Variants in TBXAS1 observed in about 807,000 individuals in gnomAD.
The protein encoded by TBXAS1 is thromboxane-A synthase.
Under a neutral mutation model 60.7 loss-of-function variants are expected in TBXAS1, and 48 were observed. That is an observed-to-expected ratio of 0.79 (90% CI 0.63 to 1.01). TBXAS1 has a LOEUF of 1.01. TBXAS1 is among the 50% of genes least tolerant of loss of function. TBXAS1 has a pLI of 0.00. For missense variants in TBXAS1, 685 were observed against 686.3 expected (o/e 1.00, Z 0.02); for synonymous variants, 287 against 269.7 (o/e 1.06, Z -0.63).
intron 9 of TBXAS1, among the ~76,000 whole-genome samples, chr7:139,998,187 A>G (rs1163909746): frequency 6.6e-6 from 1 of 152,222 alleles, no homozygotes; most frequent in South Asian, 2.1e-4. Flanking sequence ...CTCGTGTTAG[A>G]AGTCAAGACA....
chr7:139,880,041 G>A (rs984990500), intron 3 of TBXAS1, among the ~76,000 whole-genome samples: 2 of 152,062 alleles, frequency 1.3e-5, no homozygotes, highest in African/African-American at 2.4e-5. Flanking sequence ...GTGCCATCAC[G>A]CCCAGCAAAT....
chr7:139,807,205 T>C (rs1327665809), intron 4 of TBXAS1, among the ~76,000 whole-genome samples: 1 of 152,188 alleles, frequency 6.6e-6, no homozygotes, highest in Non-Finnish European at 1.5e-5. Flanking sequence ...TTTCACCTCA[T>C]TGAACTTTGC....
At chr7:139,833,402 G>C (rs553552041) in intron 1 of TBXAS1, among the ~76,000 whole-genome samples, 2 of 151,782 alleles carry the variant, frequency 1.3e-5, no homozygotes, top group East Asian at 3.9e-4. Flanking sequence ...ACAAAGAGGG[G>C]CCGGGCGTGG....
chr7:139,861,817 G>A (rs1463461042), intron 1 of TBXAS1, among the ~76,000 whole-genome samples: 1 of 152,190 alleles, frequency 6.6e-6, no homozygotes, highest in African/African-American at 2.4e-5. Context: ...CTGAAGTCAA[G>A]GTGTCAGGCA....
At chr7:140,014,919 A>G (rs1277484483) in intron 10 of TBXAS1, among the ~76,000 whole-genome samples, 1 of 151,512 alleles carries the variant, frequency 6.6e-6, no homozygotes, top group Non-Finnish European at 1.5e-5. Flanking sequence ...AAAAAAAAAG[A>G]AGAAGAAGAA....
chr7:139,951,962 G>GAA (rs1179290446), intron 5 of TBXAS1, among the ~76,000 whole-genome samples: 25 of 116,212 alleles, frequency 2.2e-4, no homozygotes, highest in South Asian at 8.6e-4. Context: ...AAGAAAGAAA[G>GAA]AAAGAAAGAA....
chr7:139,803,242 G>T (rs1286633823), intron 4 of TBXAS1, among the ~76,000 whole-genome samples: 12 of 152,182 alleles, frequency 7.9e-5, no homozygotes, highest in Non-Finnish European at 1.5e-5. Flanking sequence ...GGCTGAGGTG[G>T]TCTCAGACGG....
At chr7:139,923,335 A>G (rs1436644069) in intron 4 of TBXAS1, among the ~76,000 whole-genome samples, 2 of 152,082 alleles carry the variant, frequency 1.3e-5, no homozygotes, top group African/African-American at 2.4e-5. Flanking sequence ...CGAGAGAGAG[A>G]GAGAGACGCA....
At chr7:139,930,814 C>T (rs184151757) in intron 4 of TBXAS1, among the ~76,000 whole-genome samples, 8 of 152,142 alleles carry the variant, frequency 5.3e-5, no homozygotes, top group African/African-American at 1.4e-4. Flanking sequence ...GACAAGGCTG[C>T]GGGCAGGGAA....
chr7:139,989,799 G>T (rs1340397714), intron 9 of TBXAS1, among the ~76,000 whole-genome samples: 4 of 152,330 alleles, frequency 2.6e-5, no homozygotes, highest in African/African-American at 7.2e-5. Context: ...ACCTTTGATT[G>T]TTCCCTTGGT....
chr7:139,805,692 TTCTTTCTTTCTTTCTTTC>T (rs1569492478), intron 4 of TBXAS1, among the ~76,000 whole-genome samples: 5 of 36,170 alleles, frequency 1.4e-4, no homozygotes, highest in African/African-American at 6.0e-4. Context: ...CTTTCTTTCT[TTCTTTCTTTCTTTCTTTC>T]TTTCTCTCTC....
chr7:139,895,308 C>T (rs946351080), intron 3 of TBXAS1, among the ~76,000 whole-genome samples: 5 of 152,162 alleles, frequency 3.3e-5, no homozygotes, highest in Admixed American at 6.5e-5. Flanking sequence ...CGTTGCCAGG[C>T]GAAGACATGT....
chr7:139,806,037 C>G (rs1181981077), intron 4 of TBXAS1, among the ~76,000 whole-genome samples: 1 of 148,884 alleles, frequency 6.7e-6, no homozygotes, highest in East Asian at 2.0e-4. Context: ...TGGGTTCACA[C>G]CATTCTCCTG....
chr7:139,831,136 G>A (rs566741782), intron 1 of TBXAS1, among the ~76,000 whole-genome samples: 145 of 152,242 alleles, frequency 9.5e-4, no homozygotes, highest in Non-Finnish European at 1.7e-3. Context: ...TCTGGAGGAG[G>A]CCCTGGTACA....
intron 4 of TBXAS1, among the ~76,000 whole-genome samples, chr7:139,805,660 C>CTTTCTTTCTTTCTT (rs1457894833): frequency 3.0e-5 from 3 of 101,472 alleles, no homozygotes; most frequent in African/African-American, 1.3e-4. Flanking sequence ...CCTTCTTTTT[C>CTTTCTTTCTTTCTT]TCTTTCTTTC....
chr7:139,789,241 T>TC (rs1797301242), intron 4 of TBXAS1: 7 of 151,728 alleles, frequency 4.6e-5, no homozygotes, highest in Admixed American at 2.6e-4. Flanking sequence ...TCTCTCTCTC[T>TC]TTCTTTCTCC....
At chr7:139,993,647 G>A (rs1179983481) in intron 9 of TBXAS1, among the ~76,000 whole-genome samples, 2 of 152,086 alleles carry the variant, frequency 1.3e-5, no homozygotes, top group Non-Finnish European at 2.9e-5. Flanking sequence ...TCTAGCTATG[G>A]GATGCCTAGT....
intron 3 of TBXAS1, among the ~76,000 whole-genome samples, chr7:139,894,431 T>C (rs1020519109): frequency 2.6e-5 from 4 of 152,052 alleles, no homozygotes; most frequent in African/African-American, 9.7e-5. Context: ...GAGCCCTCAT[T>C]AACCCCCTGC....
chr7:140,017,685 CCCGGCAG>C lies in TBXAS1; in HGVS notation c.1381_1387del (p.Arg461SerfsTer22). 1 of 1,613,208 alleles carries C rather than the reference CCCGGCAG, an allele frequency of 6.2e-7. No individual in the cohort carries two copies. On this transcript the variant is annotated frameshift_variant, in exon 12 of 13. Transcript: ENST00000448866. LOFTEE classifies it high-confidence loss of function. ...CGGACCTGCAGGTTCACGGCTGAGGCCCGGCAGCAGCACCGGCCCTTCACGTACCTGC... is the reference window on the plus strand; with the variant it reads ...CGGACCTGCAGGTTCACGGCTGAGGCCAGCACCGGCCCTTCACGTACCTGC...
Sources: allele counts gnomAD v4.1 joint callset (sites outside exome capture counted in the v4.1 genomes callset), GRCh38; gene constraint gnomAD v4.1.1; transcripts MANE v1.5; gene names NCBI Gene and HGNC (gene_info 2026-07-23, HGNC 2026-07-21).